Variants in DMD observed in about 807,000 individuals in gnomAD.
The protein encoded by DMD is mutant dystrophin.
DMD carries 63 observed loss-of-function variants against 330.1 expected under a neutral mutation model. That is an observed-to-expected ratio of 0.19 (90% CI 0.16 to 0.24). The LOEUF (loss-of-function observed/expected upper bound fraction) is 0.24, where lower values mean the gene tolerates loss of function less well. DMD is among the 10% of genes least tolerant of loss of function. The pLI is 1.00. For synonymous variants in DMD, 1,223 were observed against 959.8 expected (o/e 1.27, Z -5.07); for missense variants, 3,344 against 2,684.1 (o/e 1.25, Z -5.43).
intron 46 of DMD, among the ~76,000 whole-genome samples, chrX:31,930,162 T>C (rs2094835675): frequency 9.0e-6 from 1 of 110,996 alleles, no homozygotes; most frequent in African/African-American, 3.3e-5. Context: ...AAGAGGTAAC[T>C]GACATTGAGA....
intron 2 of DMD, among the ~76,000 whole-genome samples, chrX:32,925,814 T>C (rs763187695): frequency 8.9e-6 from 1 of 112,168 alleles, no homozygotes; most frequent in South Asian, 3.7e-4. Context: ...TTAAGTTTGA[T>C]AGTAAAAACA....
chrX:32,034,657 T>G (rs1178000003), intron 44 of DMD, among the ~76,000 whole-genome samples: 1 of 111,607 alleles, frequency 9.0e-6, no homozygotes, highest in East Asian at 2.8e-4. Context: ...AGTTTCATGG[T>G]GTCAAAAATA....
At chrX:33,280,386 G>A (rs59318461) in intron 1 of DMD, among the ~76,000 whole-genome samples, 3,178 of 112,130 alleles carry the variant, frequency 0.028, 60 homozygotes, top group African/African-American at 0.061. Flanking sequence ...TTGGTGTCAA[G>A]TCTAAGAACA....
intron 44 of DMD, among the ~76,000 whole-genome samples, chrX:32,050,451 C>A (rs1243540660): frequency 9.0e-6 from 1 of 111,653 alleles, no homozygotes; most frequent in Non-Finnish European, 1.9e-5. Context: ...CATCATTTAT[C>A]TATATCAAAG....
chrX:32,437,070 A>T (rs2098264191), intron 29 of DMD, among the ~76,000 whole-genome samples: 2 of 112,343 alleles, frequency 1.8e-5, no homozygotes, highest in African/African-American at 3.2e-5. Flanking sequence ...AATAGAAATA[A>T]AAACACATTC....
At chrX:31,392,378 A>G (rs1250467728) in intron 60 of DMD, among the ~76,000 whole-genome samples, 1 of 112,777 alleles carries the variant, frequency 8.9e-6, no homozygotes, top group Non-Finnish European at 1.9e-5. Context: ...ATTATGTGAG[A>G]AAAATAAACG....
At chrX:32,566,873 A>G (rs1230324908) in intron 15 of DMD, among the ~76,000 whole-genome samples, 2 of 112,327 alleles carry the variant, frequency 1.8e-5, no homozygotes, top group Non-Finnish European at 3.8e-5. Context: ...GGAGAAAATT[A>G]TCTTACAGCC....
intron 47 of DMD, among the ~76,000 whole-genome samples, chrX:31,877,956 C>G (rs1367071271): frequency 8.9e-6 from 1 of 111,822 alleles, no homozygotes; most frequent in African/African-American, 3.2e-5. Context: ...CCTAAAATCT[C>G]TAAAACTGAG....
At chrX:33,301,150 C>G in intron 1 of DMD, among the ~76,000 whole-genome samples, 1 of 111,245 alleles carries the variant, frequency 9.0e-6, no homozygotes. Context: ...CCACTCAAGG[C>G]CAGGCATTGT....
chrX:32,312,252 C>T (rs780872095), intron 41 of DMD, among the ~76,000 whole-genome samples: 1 of 110,995 alleles, frequency 9.0e-6, no homozygotes, highest in Non-Finnish European at 1.9e-5. Context: ...TTAACAAAAG[C>T]AGTGGGAATT....
At chrX:32,831,804 G>C (rs1403454687) in intron 4 of DMD, among the ~76,000 whole-genome samples, 1 of 110,068 alleles carries the variant, frequency 9.1e-6, no homozygotes. Flanking sequence ...TGCAGAGAGA[G>C]ATGGATGTTT....
rs533860396 is a variant in DMD, at chrX:32,180,181, A to G, written c.6438+36735T>C. Among the ~76,000 whole-genome samples the G allele has an allele frequency of 1.8e-5, 2 of 112,105 alleles. 1 individual carries two copies. Among genetic ancestry groups the G allele is most frequent in the African/African-American group, 6.5e-5 (2 of 30,856 alleles). ...GTCCAGGCTTGTAACTTGCTGGTAT[A>G]AGAAAAGATCCTAGACTTTCCAAAG... is the stretch of plus-strand genomic sequence containing the variant. On this transcript the variant is annotated intron_variant, in intron 44 of 78. Coordinates refer to ENST00000357033, the MANE Select transcript of DMD (RefSeq NM_004006.3).
intron 43 of DMD, among the ~76,000 whole-genome samples, chrX:32,264,949 A>G (rs1237308742): frequency 2.7e-5 from 3 of 112,627 alleles, no homozygotes; most frequent in Non-Finnish European, 3.7e-5. Flanking sequence ...ATAAAAGTTC[A>G]GAAAATTTGC....
intron 60 of DMD, among the ~76,000 whole-genome samples, chrX:31,415,162 C>A (rs2148911831): frequency 8.9e-6 from 1 of 112,407 alleles, no homozygotes; most frequent in Non-Finnish European, 1.9e-5. Flanking sequence ...ATTCTATATG[C>A]AAGTTATTCT....
intron 2 of DMD, among the ~76,000 whole-genome samples, chrX:32,884,814 A>T (rs1490549057): frequency 8.9e-6 from 1 of 112,279 alleles, no homozygotes; most frequent in African/African-American, 3.2e-5. Context: ...TGTGGAAATG[A>T]TCCTACCAAA....
chrX:32,515,324 G>A (rs2148787269), intron 18 of DMD, among the ~76,000 whole-genome samples: 1 of 111,470 alleles, frequency 9.0e-6, no homozygotes, highest in Non-Finnish European at 1.9e-5. Context: ...AGTAAACACA[G>A]ATAACAGAGA....
intron 7 of DMD, among the ~76,000 whole-genome samples, chrX:32,760,853 T>C (rs1251399153): frequency 2.7e-5 from 3 of 111,713 alleles, no homozygotes; most frequent in Admixed American, 1.9e-4. Flanking sequence ...TCGATAGCTT[T>C]TTGTACCTCA....
intron 51 of DMD, 66 bp downstream of exon 51, chrX:31,773,894 G>C (rs2090497876): frequency 1.0e-6 from 1 of 1,004,416 alleles, no homozygotes; most frequent in Admixed American, 2.3e-5. Flanking sequence ...GGAGAGTAAA[G>C]TGATTGGTGG....
chrX:32,924,476 G>T (rs901656353), intron 2 of DMD, among the ~76,000 whole-genome samples: 7 of 111,675 alleles, frequency 6.3e-5, no homozygotes, highest in African/African-American at 2.0e-4. Context: ...AGTGAGCTAT[G>T]ATCATGCCAC....
Sources: allele counts gnomAD v4.1 joint callset (sites outside exome capture counted in the v4.1 genomes callset), GRCh38; gene constraint gnomAD v4.1.1; transcripts MANE v1.5; gene names NCBI Gene and HGNC (gene_info 2026-07-23, HGNC 2026-07-21).